The following PUM1 variants were observed in gnomAD, a reference collection of about 807,000 sequenced individuals.
PUM1 encodes pumilio RNA binding family member 1, also known as pumilio homolog 1.
A neutral mutation model predicts 131.8 loss-of-function variants in PUM1; 13 were observed. That is an observed-to-expected ratio of 0.10 (90% CI 0.06 to 0.16). The LOEUF (loss-of-function observed/expected upper bound fraction) is 0.16, where lower values mean the gene tolerates loss of function less well. Among genes scored for constraint, PUM1 ranks in the 10% least tolerant of loss-of-function variants. The pLI is 1.00. For synonymous variants in PUM1, 509 were observed against 556.5 expected (o/e 0.91, Z 1.20); for missense variants, 961 against 1,512.4 (o/e 0.64, Z 6.05).
chr1:31,042,335 T>A (rs1212291226), intron 2 of PUM1, among the ~76,000 whole-genome samples: 1 of 117,662 alleles, frequency 8.5e-6, no homozygotes, highest in African/African-American at 3.6e-5. Flanking sequence ...AATAAATAAA[T>A]AAAATAAAAT....
At chr1:30,965,659 A>G (rs553999035) in intron 13 of PUM1, among the ~76,000 whole-genome samples, 16 of 152,322 alleles carry the variant, frequency 1.1e-4, no homozygotes, top group African/African-American at 3.8e-4. Context: ...TGCTATCTTT[A>G]GTAAGTCCTC....
At position 31,001,333 on chromosome 1, in the gene PUM1, C is replaced by T. The variant is rs553833938; in HGVS notation, c.720+4520G>A. Among the ~76,000 whole-genome samples the T allele has an allele frequency of 7.5e-4, 114 of 151,816 alleles. No homozygotes were observed. In the Middle Eastern group the frequency reaches 0.01, roughly 14 times the overall value. ...GCAGTGAGCTGAGATCACACCACTG[C>T]ATTCCAGGTGACAGAAAGAGACAGA... On this transcript the variant is annotated intron_variant, in intron 5 of 21. Transcript: ENST00000426105.
At chr1:30,945,974 C>T (rs1377998816) in intron 17 of PUM1, among the ~76,000 whole-genome samples, 4 of 151,846 alleles carry the variant, frequency 2.6e-5, no homozygotes, top group Non-Finnish European at 5.9e-5. Flanking sequence ...TTACTAGAGA[C>T]GGGGTCTTGC....
At chr1:30,996,831 T>C (rs1641996411) in intron 5 of PUM1, among the ~76,000 whole-genome samples, 1 of 152,348 alleles carries the variant, frequency 6.6e-6, no homozygotes, top group South Asian at 2.1e-4. Flanking sequence ...GCTTCCTCCA[T>C]ACTGCAGAGG....
chr1:31,037,314 G>A (rs375422110), intron 2 of PUM1: 1 of 152,308 alleles, frequency 6.6e-6, no homozygotes, highest in Non-Finnish European at 1.5e-5. Context: ...GACAGAAACT[G>A]TCCAAGTATC....
chr1:30,954,866 C>T (rs1220718880), intron 14 of PUM1, among the ~76,000 whole-genome samples: 1 of 151,740 alleles, frequency 6.6e-6, no homozygotes, highest in Non-Finnish European at 1.5e-5. Flanking sequence ...AGTTCGAGAC[C>T]AGCCTGGACA....
rs1028906606 is a variant in PUM1 at position 31,065,682 on chromosome 1, C to T, written c.-78G>A. 1.0e-5 allele frequency: 16 copies of T among 1,549,686 alleles called. No individual in the cohort carries two copies. Among genetic ancestry groups the T allele is most frequent in the African/African-American group, 2.7e-5 (2 of 72,922 alleles). ...CTTCTCTCTCTGGCGCTCTCGCTCC[C>T]CCTTACCTTTCACTCCGACAACATG... On this transcript the variant is annotated 5_prime_UTR_variant, in exon 1 of 22. Coordinates refer to ENST00000426105, the MANE Select transcript of PUM1 (RefSeq NM_001020658.2).
At chr1:31,001,997 C>T (rs1300952370) in intron 5 of PUM1, among the ~76,000 whole-genome samples, 2 of 152,180 alleles carry the variant, frequency 1.3e-5, no homozygotes, top group African/African-American at 4.8e-5. Context: ...CCAGGTGATG[C>T]TAATGCTGTC....
chr1:30,943,357 G>C (rs1291323427), intron 18 of PUM1, among the ~76,000 whole-genome samples: 1 of 152,056 alleles, frequency 6.6e-6, no homozygotes, highest in East Asian at 1.9e-4. Flanking sequence ...CCGCCTCCCG[G>C]GCTCAAGCAA....
intron 5 of PUM1, among the ~76,000 whole-genome samples, chr1:30,998,188 A>G (rs1642054155): frequency 1.3e-5 from 2 of 152,210 alleles, no homozygotes; most frequent in Admixed American, 6.5e-5. Flanking sequence ...ACTTCTCTGA[A>G]CATAGGTCAT....
chr1:30,990,734 C>T (rs10798817), intron 7 of PUM1, among the ~76,000 whole-genome samples: 42,329 of 152,072 alleles, frequency 0.28, 7,522 homozygotes, highest in East Asian at 0.53. Flanking sequence ...ACAACACTCA[C>T]ATCATGACAG....
intron 17 of PUM1, among the ~76,000 whole-genome samples, chr1:30,948,619 C>T (rs932997831): frequency 1.3e-5 from 2 of 152,086 alleles, no homozygotes; most frequent in East Asian, 1.9e-4. Flanking sequence ...GGGGAAGTGG[C>T]GTATGCCTGT....
chr1:31,065,277 C>T (rs2124045256), intron 1 of PUM1, among the ~76,000 whole-genome samples: 1 of 152,274 alleles, frequency 6.6e-6, no homozygotes, highest in East Asian at 1.9e-4. Flanking sequence ...TCAAAAAAAG[C>T]AACCCGAATG....
rs138375972 is a variant in PUM1 at position 30,958,448 on chromosome 1, G to A, written c.2324-4467C>T. Reference sequence around the variant, plus strand: ...AGGGCAAATGAAAAGCCTGGGTGTCGTCAACAAAAAACTGTACCTGCTACC... The same window carrying A: ...AGGGCAAATGAAAAGCCTGGGTGTCATCAACAAAAAACTGTACCTGCTACC... On this transcript the variant is annotated intron_variant, in intron 14 of 21. Transcript: ENST00000426105. Among the ~76,000 whole-genome samples the A allele has an allele frequency of 4.2e-3, 635 of 152,178 alleles. 3 individuals carry two copies. The highest frequency in any genetic ancestry group is 0.015 in the African/African-American group (612 of 41,512).
intron 7 of PUM1, among the ~76,000 whole-genome samples, chr1:30,991,625 A>C (rs1157639624): frequency 1.3e-5 from 2 of 152,226 alleles, no homozygotes; most frequent in African/African-American, 4.8e-5. Flanking sequence ...ATTCATGGTC[A>C]ATCAAACTGC....
chr1:31,045,638 C>T (rs1346592448), intron 2 of PUM1, among the ~76,000 whole-genome samples: 1 of 152,018 alleles, frequency 6.6e-6, no homozygotes, highest in African/African-American at 2.4e-5. Context: ...TTAGGGCCCC[C>T]AATTTCCAAA....
At chr1:31,000,363 C>G (rs975164867) in intron 5 of PUM1, among the ~76,000 whole-genome samples, 1 of 152,136 alleles carries the variant, frequency 6.6e-6, no homozygotes, top group African/African-American at 2.4e-5. Context: ...GCTCAAATTG[C>G]AAGTGGCCAA....
chr1:30,997,339 T>C (rs905170996), intron 5 of PUM1, among the ~76,000 whole-genome samples: 21 of 151,932 alleles, frequency 1.4e-4, no homozygotes, highest in African/African-American at 5.1e-4. Flanking sequence ...GGTGAAACCC[T>C]GTCTCTAAGA....
intron 5 of PUM1, among the ~76,000 whole-genome samples, chr1:31,003,000 T>A (rs1557580456): frequency 6.6e-6 from 1 of 152,234 alleles, no homozygotes; most frequent in Non-Finnish European, 1.5e-5. Flanking sequence ...CACCTTTACC[T>A]GAAAAGTTAA....
Sources: allele counts gnomAD v4.1 joint callset (sites outside exome capture counted in the v4.1 genomes callset), GRCh38; gene constraint gnomAD v4.1.1; transcripts MANE v1.5; gene names NCBI Gene and HGNC (gene_info 2026-07-23, HGNC 2026-07-21).